The following FNTA variants were observed in gnomAD, a reference collection of about 807,000 sequenced individuals.
The protein encoded by FNTA is farnesyltransferase, CAAX box, subunit alpha, also known as protein farnesyltransferase/geranylgeranyltransferase type-1 subunit alpha.
In FNTA, 27 loss-of-function variants were observed where a neutral mutation model predicts 55.2. The ratio of observed to expected loss-of-function variants is 0.49; its 90% CI spans 0.36 to 0.67. FNTA has a LOEUF of 0.67. FNTA is among the 30% of genes least tolerant of loss of function. The pLI, the probability that FNTA is intolerant of heterozygous loss-of-function variation, is 0.00. For synonymous variants in FNTA, 176 were observed against 170.7 expected (o/e 1.03, Z -0.24); for missense variants, 422 against 464.7 (o/e 0.91, Z 0.85).
At chr8:43,069,524 T>C (rs752819062) in intron 3 of FNTA, 31 bp from the exon 4 acceptor site, 3 of 1,367,978 alleles carry the variant, frequency 2.2e-6, no homozygotes, top group Non-Finnish European at 3.1e-6. Flanking sequence ...TGTGTAATAA[T>C]GCGACTTTGG....
At chr8:43,083,412 G>T (rs1282122348) in intron 7 of FNTA, among the ~76,000 whole-genome samples, 1 of 152,062 alleles carries the variant, frequency 6.6e-6, no homozygotes, top group Non-Finnish European at 1.5e-5. Flanking sequence ...AGTAAATAAT[G>T]CCATTTTAAT....
chr8:43,079,637 A>G (rs1810984875), intron 6 of FNTA: 1 of 152,288 alleles, frequency 6.6e-6, no homozygotes, highest in Non-Finnish European at 1.5e-5. Context: ...CACAACATCC[A>G]TTCTGCAGCC....
At chr8:43,064,899 C>T (rs540181496) in intron 3 of FNTA, among the ~76,000 whole-genome samples, 45 of 150,294 alleles carry the variant, frequency 3.0e-4, no homozygotes, top group East Asian at 1.2e-3. Context: ...TGCAGTGGCA[C>T]GATCTTGGCT....
chr8:43,064,475 G>A (rs922923395), intron 3 of FNTA, among the ~76,000 whole-genome samples: 1 of 151,924 alleles, frequency 6.6e-6, no homozygotes, highest in South Asian at 2.1e-4. Context: ...ACCACGCCCA[G>A]CTAATTTTTT....
chr8:43,058,132 A>T (rs911391930), intron 1 of FNTA, among the ~76,000 whole-genome samples: 2 of 152,096 alleles, frequency 1.3e-5, no homozygotes, highest in Non-Finnish European at 1.5e-5. Context: ...TGTGCTGTGG[A>T]TGTTTTAAGT....
intron 3 of FNTA, among the ~76,000 whole-genome samples, chr8:43,066,729 A>G (rs1810669642): frequency 6.6e-6 from 1 of 152,098 alleles, no homozygotes; most frequent in Non-Finnish European, 1.5e-5. Flanking sequence ...GAGACAGGAA[A>G]AATCCTGATT....
In FNTA at chr8:43,085,503, A is replaced by G. The variant is rs1362910245; in HGVS notation, c.*221A>G. ...GCAAAGTCATTGGATGGGAGGAGGA[A>G]GAAAAAGTCCCATAAAGGAACTTTT... On this transcript the variant is annotated 3_prime_UTR_variant, in exon 9 of 9. Coordinates refer to ENST00000302279, the MANE Select transcript of FNTA (RefSeq NM_002027.3). 1.9e-6 allele frequency: 1 copy of G among 524,838 alleles called. No homozygotes were observed. Among genetic ancestry groups the G allele is most frequent in the Non-Finnish European group, 3.4e-6 (1 of 297,774 alleles). The allele number at this position is 524,838 out of a possible 1,614,324, so 32.5% of individuals were successfully genotyped here.
chr8:43,083,257 T>G, intron 7 of FNTA, 77 bp downstream of exon 7: 8 of 793,772 alleles, frequency 1.0e-5, no homozygotes, highest in Non-Finnish European at 1.0e-5. Flanking sequence ...TATTCCATAA[T>G]CAGATTCCAA....
At chr8:43,076,588 TTA>T (rs1298723558) in intron 5 of FNTA, 1 of 152,216 alleles carries the variant, frequency 6.6e-6, no homozygotes, top group Admixed American at 6.5e-5. Flanking sequence ...CTTTGATATA[TTA>T]ATATCGGCCA....
intron 2 of FNTA, among the ~76,000 whole-genome samples, chr8:43,061,817 T>A (rs1288754872): frequency 6.6e-6 from 1 of 152,004 alleles, no homozygotes; most frequent in South Asian, 2.1e-4. Flanking sequence ...CCTCCCGGGT[T>A]CAAGTGATTC....
At chr8:43,062,012 C>G (rs1476665519) in intron 2 of FNTA, among the ~76,000 whole-genome samples, 1 of 152,092 alleles carries the variant, frequency 6.6e-6, no homozygotes, top group Non-Finnish European at 1.5e-5. Context: ...AGCTACCGCG[C>G]CTGGTCTGTT....
chr8:43,056,426 A>C lies in FNTA; in HGVS notation c.80A>C (p.His27Pro). The C allele has an allele frequency of 6.5e-7, 1 of 1,531,976 alleles. No homozygotes were observed. The highest frequency in any genetic ancestry group is 8.8e-7 in the Non-Finnish European group (1 of 1,142,634). 94.9% of individuals were successfully genotyped at this position (1,531,976 alleles called of 1,614,324 possible). ...GQPAQPPPQP[H>P]PPPPQQQHKE... ...CCGGCGCAACCCCCGCCCCAGCCGC[A>C]CCCACCGCCGCCCCAGCAGCAGCAC... Residue 27 changes from histidine (H) to proline (P), a missense_variant, in exon 1 of 9, where the codon CAC becomes CCC. Around this residue, in one of 2 missense-constraint regions of FNTA, gnomAD observed 160 missense variants for 121.6 expected, o/e 1.32. Transcript: ENST00000302279.
intron 3 of FNTA, among the ~76,000 whole-genome samples, chr8:43,066,449 T>C (rs928847983): frequency 1.8e-4 from 27 of 148,634 alleles, no homozygotes; most frequent in African/African-American, 6.5e-4. Flanking sequence ...TTAGTAGAGA[T>C]GGGGTTTCAC....
intron 7 of FNTA, 72 bp downstream of exon 7, chr8:43,083,252 C>A: frequency 1.2e-6 from 1 of 820,132 alleles, no homozygotes; most frequent in South Asian, 1.8e-5. Flanking sequence ...GAGTGTATTC[C>A]ATAATCAGAT....
rs554884445 is a variant in FNTA, at chr8:43,085,341, G to GT, written c.*62dup. On this transcript the variant is annotated 3_prime_UTR_variant, in exon 9 of 9. Coordinates refer to ENST00000302279, the MANE Select transcript of FNTA (RefSeq NM_002027.3). ...TTTTTTATTAAGGGACCCTGCAGGA[G>GT]TTTCACACGAGAGTGGTCCTTCCCT... 3.3e-6 allele frequency: 5 copies of GT among 1,527,632 alleles called. No individual in the cohort carries two copies. In the South Asian group the frequency reaches 5.9e-5, roughly 18 times the overall value. 94.6% of individuals were successfully genotyped at this position (1,527,632 alleles called of 1,614,324 possible).
intron 4 of FNTA, 31 bp downstream of exon 4, chr8:43,069,690 G>A: frequency 7.1e-7 from 1 of 1,405,074 alleles, no homozygotes; most frequent in South Asian, 1.2e-5. Context: ...TGTCTCCCAG[G>A]CTGGAGTGCA....
chr8:43,076,334 G>A (rs768253006), intron 5 of FNTA, among the ~76,000 whole-genome samples: 8 of 151,830 alleles, frequency 5.3e-5, no homozygotes, highest in African/African-American at 1.5e-4. Flanking sequence ...TTGAGCCACC[G>A]TGCCCGGACT....
intron 3 of FNTA, among the ~76,000 whole-genome samples, chr8:43,067,580 G>A (rs569603000): frequency 2.4e-4 from 36 of 150,668 alleles, no homozygotes; most frequent in African/African-American, 8.5e-4. Context: ...TTTGAAAGAA[G>A]CAGTATACCT....
intron 4 of FNTA, 89 bp from the exon 5 acceptor site, chr8:43,072,092 C>G: frequency 9.7e-7 from 1 of 1,032,500 alleles, no homozygotes. Flanking sequence ...ATTGTGTGTC[C>G]TTTCATGTCA....
Sources: gnomAD v4.1 joint callset for allele counts (sites outside exome capture counted in the v4.1 genomes callset) on GRCh38, gnomAD v4.1.1 for gene constraint, gnomAD v4.1.1 regional missense constraint, MANE v1.5 for transcripts, NCBI Gene and HGNC (gene_info 2026-07-23, HGNC 2026-07-21) for gene names.